LRRIQ3: variants seen among roughly 807,000 people sequenced by gnomAD.
LRRIQ3 encodes leucine-rich repeat and IQ domain-containing protein 3.
A neutral mutation model predicts 59.3 loss-of-function variants in LRRIQ3; 75 were observed. The ratio of observed to expected loss-of-function variants is 1.26; its 90% CI spans 1.05 to 1.53. The LOEUF is 1.53. LRRIQ3 is among the 40% of genes most tolerant of loss of function. The probability of loss-of-function intolerance (pLI) is 0.00; values close to 1 mark genes in which losing one functional copy is unlikely to be tolerated. For missense variants in LRRIQ3, 831 were observed against 710.0 expected (o/e 1.17, Z -1.94); for synonymous variants, 250 against 231.3 (o/e 1.08, Z -0.73).
chr1:74,124,555 T>A (rs939239451), intron 4 of LRRIQ3, among the ~76,000 whole-genome samples: 5 of 151,942 alleles, frequency 3.3e-5, no homozygotes, highest in African/African-American at 1.2e-4. Context: ...GAGATGGTGG[T>A]CCAATATCAT....
chr1:74,176,675 T>C (rs774556142), intron 3 of LRRIQ3, among the ~76,000 whole-genome samples: 6 of 152,074 alleles, frequency 3.9e-5, no homozygotes, highest in Non-Finnish European at 7.4e-5. Context: ...GTAGGGGTTA[T>C]AGCTCCTGTG....
At chr1:74,063,563 G>T (rs114537822) in intron 6 of LRRIQ3, among the ~76,000 whole-genome samples, 1,926 of 151,920 alleles carry the variant, frequency 0.013, 46 homozygotes, top group African/African-American at 0.045. Flanking sequence ...TCAATTTGGG[G>T]TTTCTATTGT....
intron 4 of LRRIQ3, among the ~76,000 whole-genome samples, chr1:74,135,647 T>C (rs1391198692): frequency 2.0e-5 from 3 of 151,896 alleles, no homozygotes; most frequent in African/African-American, 7.2e-5. Flanking sequence ...TCCATAACCA[T>C]GGGGACAGGA....
intron 6 of LRRIQ3, among the ~76,000 whole-genome samples, chr1:74,044,463 G>A (rs1654141312): frequency 6.6e-6 from 1 of 151,836 alleles, no homozygotes; most frequent in Non-Finnish European, 1.5e-5. Context: ...ATCACCTTCT[G>A]CCATAATATT....
chr1:74,147,339 G>A (rs1047376557), intron 4 of LRRIQ3, among the ~76,000 whole-genome samples: 1 of 152,116 alleles, frequency 6.6e-6, no homozygotes, highest in Non-Finnish European at 1.5e-5. Flanking sequence ...AACTCCATAT[G>A]AAATAAATAA....
At chr1:74,178,852 T>C (rs1367695142) in intron 3 of LRRIQ3, among the ~76,000 whole-genome samples, 2 of 152,114 alleles carry the variant, frequency 1.3e-5, no homozygotes, top group Non-Finnish European at 2.9e-5. Context: ...ATGTGATTTT[T>C]GTTCTCATCA....
chr1:74,040,306 C>A (rs377026615), intron 7 of LRRIQ3, among the ~76,000 whole-genome samples: 1 of 152,076 alleles, frequency 6.6e-6, no homozygotes, highest in African/African-American at 2.4e-5. Flanking sequence ...TCTTAGAGAC[C>A]TACAAAGAGA....
chr1:74,038,487 G>C (rs140024129), intron 7 of LRRIQ3, among the ~76,000 whole-genome samples: 1 of 152,288 alleles, frequency 6.6e-6, no homozygotes, highest in East Asian at 1.9e-4. Flanking sequence ...AACAGGTCCT[G>C]CTCCCTGTGC....
intron 3 of LRRIQ3, chr1:74,179,882 C>T (rs993399600): frequency 2.0e-5 from 3 of 151,894 alleles, no homozygotes; most frequent in Non-Finnish European, 4.4e-5. Flanking sequence ...CCAATTATTT[C>T]TTCATTTATG....
At chr1:74,138,159 CAAACAAAAAAAAA>C (rs1647158663) in intron 4 of LRRIQ3, among the ~76,000 whole-genome samples, 1 of 51,570 alleles carries the variant, frequency 1.9e-5, no homozygotes, top group African/African-American at 3.1e-5. Context: ...AAAAAACAAA[CAAACAAAAAAAAA>C]AAACAAAAAA....
chr1:74,027,342 A>G (rs563205911), intron 7 of LRRIQ3, among the ~76,000 whole-genome samples: 193 of 152,190 alleles, frequency 1.3e-3, no homozygotes, highest in African/African-American at 4.6e-3. Context: ...CCTAACTCCC[A>G]GTGTCTTTGA....
At chr1:74,127,524 T>A (rs990832120) in intron 4 of LRRIQ3, among the ~76,000 whole-genome samples, 2 of 151,966 alleles carry the variant, frequency 1.3e-5, no homozygotes, top group Non-Finnish European at 2.9e-5. Flanking sequence ...CCCTTGCAAA[T>A]GATATTCTAT....
At chr1:74,148,272 G>A (rs1193561453) in intron 4 of LRRIQ3, among the ~76,000 whole-genome samples, 2 of 152,144 alleles carry the variant, frequency 1.3e-5, no homozygotes, top group African/African-American at 2.4e-5. Context: ...TGAATCTGGT[G>A]GGTGTAGTGG....
intron 3 of LRRIQ3, among the ~76,000 whole-genome samples, chr1:74,163,964 G>T (rs1322948689): frequency 1.3e-5 from 2 of 150,646 alleles, no homozygotes; most frequent in Non-Finnish European, 3.0e-5. Context: ...TCTCATTGTG[G>T]TTTCAATTTC....
At chr1:74,143,449 C>A (rs981627883) in intron 4 of LRRIQ3, among the ~76,000 whole-genome samples, 1 of 151,872 alleles carries the variant, frequency 6.6e-6, no homozygotes, top group African/African-American at 2.4e-5. Context: ...GGTCAACAAT[C>A]CCTACCATAT....
At chr1:74,185,150 A>G (rs553141811) in intron 1 of LRRIQ3, among the ~76,000 whole-genome samples, 88 of 152,330 alleles carry the variant, frequency 5.8e-4, no homozygotes, top group African/African-American at 2.0e-3. Context: ...ATATGTTTTC[A>G]ACTTACTTGG....
chr1:74,035,240 G>A (rs1653834989), intron 7 of LRRIQ3, among the ~76,000 whole-genome samples: 2 of 152,038 alleles, frequency 1.3e-5, no homozygotes, highest in South Asian at 4.1e-4. Flanking sequence ...TGTGAATTTA[G>A]TTCAGCATTT....
chr1:74,186,002 CT>C (rs1650350875), intron 1 of LRRIQ3, among the ~76,000 whole-genome samples: 1 of 151,056 alleles, frequency 6.6e-6, no homozygotes. Flanking sequence ...TGGCTTTATA[CT>C]GTTAATCATG....
chr1:74,055,044 C>T (rs982783061), intron 6 of LRRIQ3, among the ~76,000 whole-genome samples: 2 of 146,440 alleles, frequency 1.4e-5, no homozygotes, highest in African/African-American at 2.5e-5. Flanking sequence ...TATATAAATA[C>T]CCACATACAT....
Sources: allele counts gnomAD v4.1 joint callset (sites outside exome capture counted in the v4.1 genomes callset), GRCh38; gene constraint gnomAD v4.1.1; transcripts MANE v1.5; gene names NCBI Gene and HGNC (gene_info 2026-07-23, HGNC 2026-07-21).